The following EFNA5 variants were observed in gnomAD, a reference collection of about 807,000 sequenced individuals.
EFNA5 encodes the protein ephrin A5.
In EFNA5, 5 loss-of-function variants were observed where a neutral mutation model predicts 22.9. The ratio of observed to expected loss-of-function variants is 0.22; its 90% CI spans 0.11 to 0.46. The LOEUF (loss-of-function observed/expected upper bound fraction) is 0.46, where lower values mean the gene tolerates loss of function less well. Ranked by LOEUF, EFNA5 falls within the 20% of genes least tolerant of loss-of-function variation. The pLI is 0.99. For missense variants in EFNA5, 237 were observed against 293.3 expected, an observed-to-expected ratio of 0.81 and a Z score of 1.40; for synonymous variants, 113 against 112.2, an observed-to-expected ratio of 1.01 and a Z score of -0.04.
chr5:107,390,797 T>C (rs114457728), intron 2 of EFNA5, among the ~76,000 whole-genome samples: 5,424 of 152,314 alleles, frequency 0.036, 123 homozygotes, highest in Non-Finnish European at 0.055. Flanking sequence ...TGAAAGTTGA[T>C]AACGAATAAT....
chr5:107,492,955 G>A (rs1746855108), intron 1 of EFNA5, among the ~76,000 whole-genome samples: 2 of 149,238 alleles, frequency 1.3e-5, no homozygotes, highest in Non-Finnish European at 3.0e-5. Context: ...CAGAGATCAC[G>A]CCACTGCACT....
chr5:107,460,822 C>G (rs762695907), intron 1 of EFNA5, among the ~76,000 whole-genome samples: 1 of 152,194 alleles, frequency 6.6e-6, no homozygotes, highest in Non-Finnish European at 1.5e-5. Flanking sequence ...TCTATGACTG[C>G]TAGAGGAATA....
chr5:107,560,540 C>T (rs540430516), intron 1 of EFNA5, among the ~76,000 whole-genome samples: 17 of 152,298 alleles, frequency 1.1e-4, no homozygotes, highest in African/African-American at 3.4e-4. Flanking sequence ...TCATCTCCCC[C>T]GTGCCGCTGT....
chr5:107,499,659 G>A (rs775303155), intron 1 of EFNA5, among the ~76,000 whole-genome samples: 3 of 152,178 alleles, frequency 2.0e-5, no homozygotes, highest in African/African-American at 4.8e-5. Context: ...ATTAGCCAAC[G>A]TCTAAATAAG....
intron 1 of EFNA5, among the ~76,000 whole-genome samples, chr5:107,582,243 C>A (rs1444012125): frequency 6.6e-6 from 1 of 152,074 alleles, no homozygotes; most frequent in East Asian, 1.9e-4. Context: ...CTACCAAGTA[C>A]CAGACTGGAA....
intron 2 of EFNA5, among the ~76,000 whole-genome samples, chr5:107,412,454 T>C (rs1393200180): frequency 6.6e-6 from 1 of 152,186 alleles, no homozygotes; most frequent in Non-Finnish European, 1.5e-5. Flanking sequence ...TGATGAAACA[T>C]CTGTGATTAA....
intron 1 of EFNA5, among the ~76,000 whole-genome samples, chr5:107,468,288 T>C (rs187461899): frequency 4.5e-4 from 68 of 152,340 alleles, no homozygotes; most frequent in African/African-American, 1.5e-3. Context: ...AAAATGCACA[T>C]ATTTTCTTGG....
chr5:107,451,192 T>C (rs1324215035), intron 1 of EFNA5, among the ~76,000 whole-genome samples: 1 of 152,240 alleles, frequency 6.6e-6, no homozygotes, highest in Non-Finnish European at 1.5e-5. Context: ...TGTACAGTAA[T>C]ACCTATGTAC....
intron 1 of EFNA5, among the ~76,000 whole-genome samples, chr5:107,650,275 T>A (rs1001432364): frequency 1.3e-5 from 2 of 152,172 alleles, no homozygotes; most frequent in African/African-American, 4.8e-5. Flanking sequence ...GAGAGGTACA[T>A]AATGGATAAA....
intron 1 of EFNA5, among the ~76,000 whole-genome samples, chr5:107,532,214 G>A (rs1747827784): frequency 6.6e-6 from 1 of 152,220 alleles, no homozygotes; most frequent in Non-Finnish European, 1.5e-5. Flanking sequence ...ATGAGGCAAT[G>A]GCGTGTGAAC....
At chr5:107,580,977 T>C (rs1749061576) in intron 1 of EFNA5, among the ~76,000 whole-genome samples, 1 of 152,086 alleles carries the variant, frequency 6.6e-6, no homozygotes. Flanking sequence ...TGAGAATATG[T>C]TTTTTTACCG....
intron 1 of EFNA5, among the ~76,000 whole-genome samples, chr5:107,643,143 C>T (rs569553543): frequency 4.6e-5 from 7 of 152,150 alleles, no homozygotes; most frequent in Non-Finnish European, 1.0e-4. Context: ...TGCCCCTGCA[C>T]CGGCTGACTT....
intron 1 of EFNA5, among the ~76,000 whole-genome samples, chr5:107,485,272 C>T (rs1002763708): frequency 6.6e-6 from 1 of 152,074 alleles, no homozygotes; most frequent in Non-Finnish European, 1.5e-5. Context: ...AAGAAAGTTC[C>T]CTCTTAGCTA....
chr5:107,633,787 T>C (rs1484947043), intron 1 of EFNA5, among the ~76,000 whole-genome samples: 1 of 152,148 alleles, frequency 6.6e-6, no homozygotes, highest in East Asian at 1.9e-4. Context: ...AGGGGCAAAC[T>C]GAATGAACTG....
intron 1 of EFNA5, among the ~76,000 whole-genome samples, chr5:107,440,966 A>G (rs1170840144): frequency 6.6e-6 from 1 of 151,956 alleles, no homozygotes; most frequent in African/African-American, 2.4e-5. Context: ...TACATGCCAA[A>G]TATTTATCAA....
chr5:107,615,034 G>A (rs966980629), intron 1 of EFNA5, among the ~76,000 whole-genome samples: 1 of 151,922 alleles, frequency 6.6e-6, no homozygotes, highest in African/African-American at 2.4e-5. Flanking sequence ...TATGTTAACT[G>A]CCAAAAGAAA....
At chr5:107,391,887 G>A (rs1289423876) in intron 2 of EFNA5, among the ~76,000 whole-genome samples, 2 of 152,112 alleles carry the variant, frequency 1.3e-5, no homozygotes, top group African/African-American at 4.8e-5. Flanking sequence ...AAGGCCATGA[G>A]GGCCCCTTAC....
Position 107,381,285 on chromosome 5 carries a change from C to G in EFNA5, c.657G>C (p.Leu219=), listed in dbSNP as rs1390960965. 2 of 1,613,870 alleles carry G rather than the reference C, an allele frequency of 1.2e-6. No homozygotes were observed. Among genetic ancestry groups the G allele is most frequent in the Admixed American group, 3.3e-5 (2 of 60,002 alleles). ...ATGTCAAAAGCATCGCCAGGAGGAA[C>G]AGTAGGATTGCCAAAAGGCGGCTGG... ...RIPSRLLAIL[L]FLLAMLLTL The change falls in exon 5 of 5, where the codon CTG becomes CTC. Residue 219 remains leucine, a synonymous_variant. Coordinates refer to ENST00000333274, the MANE Select transcript of EFNA5 (RefSeq NM_001962.3).
At chr5:107,386,843 TAAAA>T (rs1224811797) in intron 4 of EFNA5, among the ~76,000 whole-genome samples, 2 of 152,198 alleles carry the variant, frequency 1.3e-5, no homozygotes, top group African/African-American at 4.8e-5. Context: ...GATTTGGACA[TAAAA>T]AATAAAATTT....
Sources: gnomAD v4.1 joint callset for allele counts (sites outside exome capture counted in the v4.1 genomes callset) on GRCh38, gnomAD v4.1.1 for gene constraint, MANE v1.5 for transcripts, NCBI Gene and HGNC (gene_info 2026-07-23, HGNC 2026-07-21) for gene names.